Variants in SCFD2 observed in about 807,000 individuals in gnomAD.
SCFD2 encodes the protein sec1 family domain containing 2, also known as sec1 family domain-containing protein 2.
In SCFD2, 54 loss-of-function variants were observed where a neutral mutation model predicts 58.9. That is an observed-to-expected ratio of 0.92 (90% CI 0.74 to 1.15). SCFD2 has a LOEUF of 1.15. Among genes scored for constraint, SCFD2 ranks in the 50% most tolerant of loss-of-function variants. The probability of loss-of-function intolerance (pLI) is 0.00; values close to 1 mark genes in which losing one functional copy is unlikely to be tolerated. For synonymous variants in SCFD2, 321 were observed against 335.9 expected (o/e 0.96, Z 0.49); for missense variants, 805 against 836.6 (o/e 0.96, Z 0.47).
At chr4:53,355,329 A>G (rs1443742360) in intron 1 of SCFD2, among the ~76,000 whole-genome samples, 1 of 152,028 alleles carries the variant, frequency 6.6e-6, no homozygotes, top group African/African-American at 2.4e-5. Flanking sequence ...CACTTACTCT[A>G]CTTCATTTTT....
At chr4:52,952,210 TATCCCCTCTCACCTCCCC>T (rs1417685291) in intron 5 of SCFD2, among the ~76,000 whole-genome samples, 24 of 148,022 alleles carry the variant, frequency 1.6e-4, no homozygotes, top group Non-Finnish European at 2.2e-4. Flanking sequence ...CTCCCTACCA[TATCCCCTCTCACCTCCCC>T]ATCCCCTCTC....
chr4:53,163,989 G>C (rs1230897796), intron 4 of SCFD2, among the ~76,000 whole-genome samples: 2 of 152,166 alleles, frequency 1.3e-5, no homozygotes, highest in Non-Finnish European at 2.9e-5. Flanking sequence ...GGCTGTAACT[G>C]AAGACTGCTA....
At chr4:53,099,939 C>T (rs542859598) in intron 5 of SCFD2, among the ~76,000 whole-genome samples, 2 of 152,214 alleles carry the variant, frequency 1.3e-5, no homozygotes, top group African/African-American at 4.8e-5. Flanking sequence ...CTGGAAAAGA[C>T]ACTGAATTGA....
At chr4:52,997,519 C>T (rs1291153902) in intron 5 of SCFD2, among the ~76,000 whole-genome samples, 4 of 152,212 alleles carry the variant, frequency 2.6e-5, no homozygotes, top group Non-Finnish European at 5.9e-5. Flanking sequence ...GGGATGGGAG[C>T]TCTGGAGTGG....
chr4:52,984,822 C>T (rs1177966110), intron 5 of SCFD2, among the ~76,000 whole-genome samples: 1 of 152,212 alleles, frequency 6.6e-6, no homozygotes, highest in East Asian at 1.9e-4. Flanking sequence ...CTGTCTTCAA[C>T]TTTCCAAAAC....
intron 4 of SCFD2, among the ~76,000 whole-genome samples, chr4:53,216,354 T>C (rs1217904403): frequency 6.6e-6 from 1 of 152,214 alleles, no homozygotes. Context: ...GAGATTCAAC[T>C]TCTTCCTGGT....
chr4:53,212,957 A>T (rs2148983221), intron 4 of SCFD2, among the ~76,000 whole-genome samples: 1 of 152,142 alleles, frequency 6.6e-6, no homozygotes, highest in Non-Finnish European at 1.5e-5. Flanking sequence ...AACTAGGTGC[A>T]GGTAGACAGG....
chr4:53,314,743 A>C lies in SCFD2; in HGVS notation c.1008-980T>G, dbSNP rs374774865. ...TAATAAGACATATCTTCCAAATTTG[A>C]ATTGGATATTGAATAATAGAATGAT... On this transcript the variant is annotated intron_variant, in intron 2 of 8. Transcript: ENST00000401642. Among the ~76,000 whole-genome samples the C allele has an allele frequency of 2.6e-5, 4 of 152,280 alleles. No individual in the cohort carries two copies. The East Asian group carries it at 5.8e-4, about 22-fold the overall frequency.
intron 5 of SCFD2, among the ~76,000 whole-genome samples, chr4:53,114,831 A>G (rs937091151): frequency 3.9e-5 from 6 of 152,158 alleles, no homozygotes; most frequent in Non-Finnish European, 7.4e-5. Context: ...ATATAAATGT[A>G]GTATATGAGA....
intron 4 of SCFD2, chr4:53,273,597 T>G: frequency 2.5e-6 from 1 of 400,080 alleles, no homozygotes; most frequent in Non-Finnish European, 4.4e-6. Flanking sequence ...TCAAAAAACA[T>G]CCTTGGTATT....
intron 5 of SCFD2, among the ~76,000 whole-genome samples, chr4:53,131,936 A>G (rs1428506078): frequency 6.6e-6 from 1 of 152,226 alleles, no homozygotes; most frequent in Admixed American, 6.5e-5. Context: ...TACAAACACA[A>G]TTATTACTGC....
chr4:52,991,311 A>G (rs1281445531), intron 5 of SCFD2, among the ~76,000 whole-genome samples: 1 of 152,198 alleles, frequency 6.6e-6, no homozygotes. Flanking sequence ...CCTCCTATCT[A>G]AAGAAAATTG....
intron 5 of SCFD2, among the ~76,000 whole-genome samples, chr4:53,024,598 A>G (rs1365298236): frequency 1.3e-5 from 2 of 152,170 alleles, no homozygotes; most frequent in Admixed American, 6.6e-5. Context: ...AATTGAGACC[A>G]CTACTTTCTG....
At chr4:52,907,676 G>T in intron 6 of SCFD2, 85 bp from the exon 7 acceptor site, 1 of 1,346,506 alleles carries the variant, frequency 7.4e-7, no homozygotes. Context: ...AGAAAGCAAA[G>T]CAAGTTTATT....
At chr4:53,283,021 G>T (rs1217470475) in intron 3 of SCFD2, among the ~76,000 whole-genome samples, 1 of 152,172 alleles carries the variant, frequency 6.6e-6, no homozygotes. Flanking sequence ...AATAGAGGTG[G>T]ATAGTGAGGA....
At chr4:53,064,949 A>G (rs1423070832) in intron 5 of SCFD2, among the ~76,000 whole-genome samples, 1 of 152,120 alleles carries the variant, frequency 6.6e-6, no homozygotes, top group African/African-American at 2.4e-5. Context: ...CGTTCTTAAT[A>G]TTTTCTCTTG....
chr4:53,181,039 G>T (rs1292977264), intron 4 of SCFD2, among the ~76,000 whole-genome samples: 1 of 152,120 alleles, frequency 6.6e-6, no homozygotes, highest in Non-Finnish European at 1.5e-5. Flanking sequence ...AAAAGTCCAG[G>T]ACCAGATGGA....
intron 2 of SCFD2, among the ~76,000 whole-genome samples, chr4:53,321,692 T>A (rs1022371530): frequency 6.6e-6 from 1 of 152,188 alleles, no homozygotes; most frequent in African/African-American, 2.4e-5. Context: ...GGTTTTCTAA[T>A]TAAATTATTC....
intron 5 of SCFD2, among the ~76,000 whole-genome samples, chr4:53,079,590 T>C (rs1283610264): frequency 2.0e-5 from 3 of 152,310 alleles, no homozygotes; most frequent in African/African-American, 7.2e-5. Context: ...GGCTACAATG[T>C]GTAGGCAGAG....
Sources: gnomAD v4.1 joint callset for allele counts (sites outside exome capture counted in the v4.1 genomes callset) on GRCh38, gnomAD v4.1.1 for gene constraint, MANE v1.5 for transcripts, NCBI Gene and HGNC (gene_info 2026-07-23, HGNC 2026-07-21) for gene names.